SRGAP2: variants seen among roughly 807,000 people sequenced by gnomAD.
SRGAP2 encodes SLIT-ROBO Rho GTPase-activating protein 2.
SRGAP2 carries 15 observed loss-of-function variants against 57.2 expected under a neutral mutation model. The observed-to-expected ratio is 0.26, with a 90% CI of 0.18 to 0.40. The LOEUF (loss-of-function observed/expected upper bound fraction) is 0.40. Among genes scored for constraint, SRGAP2 ranks in the 10% least tolerant of loss-of-function variants. The pLI is 1.00. For synonymous variants in SRGAP2, 249 were observed against 248.0 expected (o/e 1.00, Z -0.04); for missense variants, 520 against 669.6 (o/e 0.78, Z 2.47).
chr1:206,435,501 A>G (rs187128835), intron 14 of SRGAP2, among the ~76,000 whole-genome samples: 8 of 152,296 alleles, frequency 5.3e-5, no homozygotes, highest in Admixed American at 5.2e-4. Flanking sequence ...GGCACTGATG[A>G]CACACTTGCT....
At chr1:206,242,142 G>A (rs1467288606) in intron 2 of SRGAP2, among the ~76,000 whole-genome samples, 2 of 151,878 alleles carry the variant, frequency 1.3e-5, no homozygotes, top group Admixed American at 1.3e-4. Flanking sequence ...CCATCCACCA[G>A]TAGACATTCT....
In SRGAP2 at chr1:206,461,373, A is replaced by C. The variant is rs782236643; in HGVS notation, c.3169A>C (p.Asn1057His). The stretch of plus-strand genomic sequence containing the variant: ...AACAAATGCCACTAGCCCTGGTGTC[A>C]ACTCATCAACTTCCCCACAGTCTAC... ...PKTNATSPGV[N>H]SSTSPQSTDK... The change falls in exon 23 of 23, where the codon AAC becomes CAC. Residue 1057 changes from asparagine (N) to histidine (H), a missense_variant. Asn to His is a moderately conservative substitution (Grantham distance 68). This residue lies in a region of SRGAP2 where 478 missense variants were observed against 373.6 expected (regional missense o/e 1.28). Coordinates refer to ENST00000573034, the MANE Select transcript of SRGAP2 (RefSeq NM_015326.5). The C allele has an allele frequency of 3.8e-6, 3 of 780,614 alleles. No homozygotes were observed. Among genetic ancestry groups the C allele is most frequent in the South Asian group, 2.7e-5 (2 of 74,592 alleles). 48.4% of individuals were successfully genotyped at this position (780,614 alleles called of 1,614,324 possible).
At chr1:206,272,676 A>G (rs1194267265) in intron 2 of SRGAP2, among the ~76,000 whole-genome samples, 3,667 of 152,222 alleles carry the variant, frequency 0.024, 137 homozygotes, top group African/African-American at 0.081. Context: ...CCTCCCAAAG[A>G]GCTGGGATTA....
intron 21 of SRGAP2, among the ~76,000 whole-genome samples, chr1:206,457,635 TCCTGGGCCAGGC>T (rs1257895500): frequency 6.6e-6 from 1 of 152,290 alleles, no homozygotes; most frequent in African/African-American, 2.4e-5. Flanking sequence ...ACATGCCAGG[TCCTGGGCCAGGC>T]CCTGCAGGCA....
Position 206,461,117 on chromosome 1 carries a change from C to A in SRGAP2, c.2913C>A (p.Asp971Glu). The part of the protein sequence containing the change: ...ERQSSVKHTP[D>E]VVLDTLEPLK... Reference sequence around the variant, plus strand: ...AGAGCAGTGTCAAACACACCCCTGACGTGGTTCTGGACACCTTGGAGCCCC... The same window carrying A: ...AGAGCAGTGTCAAACACACCCCTGAAGTGGTTCTGGACACCTTGGAGCCCC... The change falls in exon 23 of 23, where the codon GAC (aspartate) becomes GAA (glutamate). Residue 971 changes from aspartate (D) to glutamate (E), a missense_variant. Coordinates refer to ENST00000573034, the MANE Select transcript of SRGAP2 (RefSeq NM_015326.5). 1 of 779,750 alleles carries A rather than the reference C, an allele frequency of 1.3e-6. No individual in the cohort carries two copies. The highest frequency in any genetic ancestry group is 2.4e-6 in the Non-Finnish European group (1 of 417,238). 48.3% of individuals were successfully genotyped at this position (779,750 alleles called of 1,614,324 possible). A position where few individuals can be genotyped will look rare whatever the true frequency, so the allele number is the denominator to read the frequency against.
intron 3 of SRGAP2, among the ~76,000 whole-genome samples, chr1:206,339,291 A>G (rs1216140616): frequency 6.6e-6 from 1 of 152,074 alleles, no homozygotes; most frequent in Non-Finnish European, 1.5e-5. Flanking sequence ...TCTAACATGA[A>G]CCCAGCCTAG....
intron 2 of SRGAP2, among the ~76,000 whole-genome samples, chr1:206,284,447 TTTG>T (rs1422240111): frequency 2.0e-5 from 3 of 150,500 alleles, no homozygotes; most frequent in African/African-American, 4.9e-5. Flanking sequence ...TGTTTGTTCG[TTTG>T]TTGTTGTTGT....
chr1:206,306,683 G>C (rs1672224048), intron 3 of SRGAP2, among the ~76,000 whole-genome samples: 1 of 152,132 alleles, frequency 6.6e-6, no homozygotes, highest in African/African-American at 2.4e-5. Flanking sequence ...TACAATCTCT[G>C]AGATAGATAC....
At position 206,438,098 on chromosome 1, in the gene SRGAP2, A is replaced by G. The variant is rs782202231; in HGVS notation, c.1768A>G (p.Thr590Ala). The change falls in exon 16 of 23, where the codon ACA becomes GCA. Residue 590 changes from threonine (T) to alanine (A), a missense_variant and splice_region_variant. Coordinates refer to ENST00000573034, the MANE Select transcript of SRGAP2 (RefSeq NM_015326.5). ...CTTTCATGACCTGATGGCCTGCGTC[A>G]GTAAGTACCATTCTGGCTTCAGATT... ...DIFHDLMACV[T>A]MDNLQERALH... 1 of 780,712 alleles carries G rather than the reference A, an allele frequency of 1.3e-6. No homozygotes were observed. The highest frequency in any genetic ancestry group is 2.4e-6 in the Non-Finnish European group (1 of 417,890). 48.4% of individuals were successfully genotyped at this position (780,712 alleles called of 1,614,324 possible).
At chr1:206,365,686 G>A (rs1282916800) in intron 4 of SRGAP2, among the ~76,000 whole-genome samples, 4 of 134,188 alleles carry the variant, frequency 3.0e-5, no homozygotes, top group African/African-American at 1.3e-4. Flanking sequence ...GCCCTCTTTG[G>A]GAGCTACCAC....
chr1:206,371,655 C>T (rs1239063160), intron 4 of SRGAP2, among the ~76,000 whole-genome samples: 4 of 151,084 alleles, frequency 2.6e-5, no homozygotes, highest in Non-Finnish European at 4.4e-5. Context: ...GGCGTGAATC[C>T]GGGAGGCAGA....
At chr1:206,281,905 C>T (rs1670758278) in intron 2 of SRGAP2, among the ~76,000 whole-genome samples, 3 of 143,926 alleles carry the variant, frequency 2.1e-5, no homozygotes, top group Non-Finnish European at 4.5e-5. Flanking sequence ...CAGAGTGAGA[C>T]TCCGTCACAA....
At chr1:206,292,677 C>T (rs1455426757) in intron 2 of SRGAP2, among the ~76,000 whole-genome samples, 2 of 147,732 alleles carry the variant, frequency 1.4e-5, no homozygotes, top group African/African-American at 5.3e-5. Context: ...TTGCTTTCCA[C>T]CTAAATGGGG....
rs1671973796 is a variant in SRGAP2, at chr1:206,303,151, C to A, written c.68-130C>A. 8.3e-6 allele frequency: 4 copies of A among 484,842 alleles called. No individual in the cohort carries two copies. The Admixed American group carries it at 1.5e-4, about 18-fold the overall frequency. The allele number at this position is 484,842 out of a possible 1,614,324, so 30.0% of individuals were successfully genotyped here. Reference sequence around the variant, plus strand: ...TCCTATGGCCAGTTTAGACTTTAGGCTTTTTTGTTCAGGGCTTTCAATTTC... The same window carrying A: ...TCCTATGGCCAGTTTAGACTTTAGGATTTTTTGTTCAGGGCTTTCAATTTC... On this transcript the variant is annotated intron_variant, in intron 2 of 22. Transcript: ENST00000573034.
chr1:206,240,663 C>G lies in SRGAP2; in HGVS notation c.67+34626C>G, dbSNP rs570893594. On this transcript the variant is annotated intron_variant, in intron 2 of 22. Transcript: ENST00000573034. The stretch of plus-strand genomic sequence containing the variant: ...AACAAAAACAAAACAAACATAGCAA[C>G]TATCCCATACCACCTTAGTGAGGTG... Among the ~76,000 whole-genome samples the G allele has an allele frequency of 2.3e-3, 349 of 152,168 alleles. 3 individuals are homozygous for G. Among genetic ancestry groups the G allele is most frequent in the Middle Eastern group, 0.017 (5 of 294 alleles).
Position 206,461,683 on chromosome 1 carries a change from T to G in SRGAP2, c.*263T>G. ...GTTCTTAGGTTAGCCAGAGACAGGTTTTCATTATCAGGTCACTGTGAAATC... is the reference window on the plus strand; with the variant it reads ...GTTCTTAGGTTAGCCAGAGACAGGTGTTCATTATCAGGTCACTGTGAAATC... On this transcript the variant is annotated 3_prime_UTR_variant, in exon 23 of 23. Transcript: ENST00000573034. The G allele has an allele frequency of 5.0e-6, 2 of 399,200 alleles. No homozygotes were observed. Among genetic ancestry groups the G allele is most frequent in the Non-Finnish European group, 9.0e-6 (2 of 222,654 alleles). 24.7% of individuals were successfully genotyped at this position (399,200 alleles called of 1,614,324 possible). A position where few individuals can be genotyped will look rare whatever the true frequency, so the allele number is the denominator to read the frequency against.
rs1654784169 is a variant in SRGAP2, at chr1:206,372,977, CTTTCTTTCTTTCTTT to C, written c.424-11036_424-11022del. Among the ~76,000 whole-genome samples the C allele has an allele frequency of 3.7e-4, 15 of 40,362 alleles. 2 individuals carry two copies. Among genetic ancestry groups the C allele is most frequent in the South Asian group, 2.0e-3 (2 of 976 alleles). 26.5% of individuals were successfully genotyped at this position (40,362 alleles called of 152,430 possible). A position where few individuals can be genotyped will look rare whatever the true frequency, so the allele number is the denominator to read the frequency against. On this transcript the variant is annotated intron_variant, in intron 4 of 22. Coordinates refer to ENST00000573034, the MANE Select transcript of SRGAP2 (RefSeq NM_015326.5). ...TTTCTTTTCTTTCCTTTCTTTCTTT[CTTTCTTTCTTTCTTT>C]CTTTCTTTCTTTCTTTCTTTCTTTC...
chr1:206,395,832 TA>T (rs782646324), intron 7 of SRGAP2, among the ~76,000 whole-genome samples: 362 of 141,540 alleles, frequency 2.6e-3, no homozygotes, highest in African/African-American at 4.7e-3. Flanking sequence ...TTTCATCATT[TA>T]AAAAAAAAAA....
At chr1:206,441,542 C>T (rs982440477) in intron 17 of SRGAP2, among the ~76,000 whole-genome samples, 10 of 152,162 alleles carry the variant, frequency 6.6e-5, no homozygotes, top group African/African-American at 2.2e-4. Context: ...GCTGCAGTTT[C>T]GCCCTCAACA....
Sources: gnomAD v4.1 joint callset for allele counts (sites outside exome capture counted in the v4.1 genomes callset) on GRCh38, gnomAD v4.1.1 for gene constraint, gnomAD v4.1.1 regional missense constraint, MANE v1.5 for transcripts, NCBI Gene and HGNC (gene_info 2026-07-23, HGNC 2026-07-21) for gene names.